The following DNAH11 variants were observed in gnomAD, a reference collection of about 807,000 sequenced individuals.
DNAH11 encodes the protein axonemal beta dynein heavy chain 11.
A neutral mutation model predicts 526.0 loss-of-function variants in DNAH11; 442 were observed. The observed-to-expected ratio is 0.84, with a 90% CI of 0.78 to 0.91. The LOEUF is 0.91. Ranked by LOEUF, DNAH11 falls within the 40% of genes least tolerant of loss-of-function variation. The pLI is 0.00. For missense variants in DNAH11, 6,989 were observed against 5,448.7 expected, an observed-to-expected ratio of 1.28 and a Z score of -8.90; for synonymous variants, 2,461 against 1,935.9, an observed-to-expected ratio of 1.27 and a Z score of -7.12.
At chr7:21,740,038 G>C (rs1311717125) in intron 48 of DNAH11, among the ~76,000 whole-genome samples, 1 of 151,994 alleles carries the variant, frequency 6.6e-6, no homozygotes, top group Non-Finnish European at 1.5e-5. Flanking sequence ...TTCCTTCTTT[G>C]TATTATACGT....
rs1415716481 is a variant in DNAH11 at position 21,683,838 on chromosome 7, G to A, written c.5515G>A (p.Asp1839Asn). The A allele has an allele frequency of 1.9e-6, 3 of 1,613,110 alleles. No homozygotes were observed. The highest frequency in any genetic ancestry group is 2.7e-5 in the African/African-American group (2 of 74,904). ...GTCTCAACTTCGTCACCGATGGGAG[G>A]ATACCCAGAAACACTGCTTTGTTAA... ...WLSQLRHRWEDTQKHCFVNIC... is the reference protein window; with the variant it reads ...WLSQLRHRWENTQKHCFVNIC... Residue 1839 changes from aspartate to asparagine, a missense_variant, in exon 32 of 82, where the codon GAT (aspartate) becomes AAT (asparagine). By Grantham distance (23) the Asp-to-Asn change is conservative. Coordinates refer to ENST00000409508, the MANE Select transcript of DNAH11 (RefSeq NM_001277115.2).
rs1784361403 is a variant in DNAH11 at position 21,892,537 on chromosome 7, A to G, written c.12620A>G (p.Tyr4207Cys). Residue 4207 changes from tyrosine to cysteine, a missense_variant, in exon 77 of 82, where the codon TAT becomes TGT. Coordinates refer to ENST00000409508, the MANE Select transcript of DNAH11 (RefSeq NM_001277115.2). Reference protein sequence around the residue: ...EMLPPESPALYGLHPNAEIEF... With the variant: ...EMLPPESPALCGLHPNAEIEF... The stretch of plus-strand genomic sequence containing the variant: ...CTTCCTCCAGAAAGCCCGGCACTGT[A>G]TGGCCTCCACCCAAATGCTGAAATA... 6.2e-7 allele frequency: 1 copy of G among 1,613,992 alleles called. No individual in the cohort carries two copies. The highest frequency in any genetic ancestry group is 1.3e-5 in the African/African-American group (1 of 75,030).
chr7:21,845,874 G>A (rs1215177057), intron 66 of DNAH11, among the ~76,000 whole-genome samples: 1 of 152,122 alleles, frequency 6.6e-6, no homozygotes, highest in Non-Finnish European at 1.5e-5. Context: ...TCATCAACAT[G>A]CAATATCTCT....
intron 65 of DNAH11, among the ~76,000 whole-genome samples, chr7:21,824,030 C>T (rs951366679): frequency 4.1e-5 from 6 of 145,394 alleles, no homozygotes; most frequent in East Asian, 1.9e-4. Flanking sequence ...ACACACCTTC[C>T]GTTTAAGGGT....
chr7:21,836,379 A>G (rs918529702), intron 65 of DNAH11, among the ~76,000 whole-genome samples: 26 of 152,144 alleles, frequency 1.7e-4, no homozygotes, highest in African/African-American at 6.0e-4. Flanking sequence ...CCAAAAGAGC[A>G]TGGCACTTGC....
chr7:21,831,685 G>C (rs188583428), intron 65 of DNAH11, among the ~76,000 whole-genome samples: 2 of 152,216 alleles, frequency 1.3e-5, no homozygotes, highest in African/African-American at 4.8e-5. Flanking sequence ...CTGGAATCCT[G>C]TATGCTTCAG....
intron 30 of DNAH11, among the ~76,000 whole-genome samples, chr7:21,663,233 C>T (rs1782302946): frequency 6.6e-6 from 1 of 152,070 alleles, no homozygotes; most frequent in Non-Finnish European, 1.5e-5. Context: ...CGTCAGTGGC[C>T]ACTTAGGTTG....
intron 42 of DNAH11, 39 bp downstream of exon 42, chr7:21,711,899 GTAACA>G (rs757156768): frequency 6.4e-7 from 1 of 1,562,570 alleles, no homozygotes; most frequent in South Asian, 1.2e-5. Flanking sequence ...TAAATTGTAT[GTAACA>G]TAACATTTAC....
chr7:21,724,365 C>A (rs912847431), intron 44 of DNAH11, among the ~76,000 whole-genome samples: 1 of 152,220 alleles, frequency 6.6e-6, no homozygotes, highest in African/African-American at 2.4e-5. Context: ...GGCAAGCTCT[C>A]CCTGCAAACA....
At chr7:21,729,698 A>G (rs77330412) in intron 45 of DNAH11, among the ~76,000 whole-genome samples, 2,123 of 66,766 alleles carry the variant, frequency 0.032, 50 homozygotes, top group African/African-American at 0.095. Flanking sequence ...GCCAGTGTCA[A>G]GTAACACTGA....
At chr7:21,790,897 T>G in intron 61 of DNAH11, among the ~76,000 whole-genome samples, 1 of 152,176 alleles carries the variant, frequency 6.6e-6, no homozygotes, top group South Asian at 2.1e-4. Context: ...ATCCGATTGG[T>G]GATATTAAGC....
chr7:21,787,503 A>C lies in DNAH11; in HGVS notation c.9844A>C (p.Asn3282His), dbSNP rs1270350823. ...NEHYLKDPEFNPNLIRTKSFA... is the reference protein window; with the variant it reads ...NEHYLKDPEFHPNLIRTKSFA... Reference sequence around the variant, plus strand: ...ACACTATTTGAAAGACCCAGAGTTTAATCCAAACCTGATTCGAACCAAATC... The same window carrying C: ...ACACTATTTGAAAGACCCAGAGTTTCATCCAAACCTGATTCGAACCAAATC... Residue 3282 changes from asparagine to histidine, a missense_variant, in exon 60 of 82, where the codon AAT becomes CAT. Transcript: ENST00000409508. 1 of 1,613,806 alleles carries C rather than the reference A, an allele frequency of 6.2e-7. No homozygotes were observed. The highest frequency in any genetic ancestry group is 1.1e-5 in the South Asian group (1 of 91,038).
Position 21,817,496 on chromosome 7 carries a change from C to G in DNAH11, c.10569-721C>G, listed in dbSNP as rs1789848055. 2.4e-5 allele frequency among the ~76,000 whole-genome samples: 3 copies of G among 124,142 alleles called. No homozygotes were observed. The Admixed American group carries it at 3.1e-4, about 13-fold the overall frequency. 81.4% of individuals were successfully genotyped at this position (124,142 alleles called of 152,430 possible). The stretch of plus-strand genomic sequence containing the variant: ...AGGAATTCAAGACCACCCTGAGCGA[C>G]ATAGTGAGACCCCCATCTCTACCAA... On this transcript the variant is annotated intron_variant, in intron 64 of 81. Transcript: ENST00000409508.
In DNAH11 at chr7:21,790,324, A is replaced by C. The variant is rs372349158; in HGVS notation, c.10026+982A>C. On this transcript the variant is annotated intron_variant, in intron 61 of 81. Coordinates refer to ENST00000409508, the MANE Select transcript of DNAH11 (RefSeq NM_001277115.2). The stretch of plus-strand genomic sequence containing the variant: ...ATTTAGCCGGGCGTCATGGCGGGTG[A>C]CTGTAGTCCCAGCTACTCAGGAGGC... Among the ~76,000 whole-genome samples the C allele has an allele frequency of 2.2e-3, 341 of 151,964 alleles. 1 individual carries two copies. Among genetic ancestry groups the C allele is most frequent in the African/African-American group, 7.5e-3 (313 of 41,498 alleles).
At chr7:21,781,441 T>A (rs1583688549) in intron 57 of DNAH11, among the ~76,000 whole-genome samples, 1 of 152,226 alleles carries the variant, frequency 6.6e-6, no homozygotes, top group Non-Finnish European at 1.5e-5. Context: ...GAAAATTAGT[T>A]CTTCTTCCAC....
chr7:21,546,616 A>G (rs1057240860), intron 2 of DNAH11, among the ~76,000 whole-genome samples: 3 of 152,234 alleles, frequency 2.0e-5, no homozygotes, highest in African/African-American at 4.8e-5. Context: ...CCTGCTCCTC[A>G]ACATTATGAT....
At chr7:21,661,232 T>C (rs1782231705) in intron 30 of DNAH11, among the ~76,000 whole-genome samples, 2 of 152,124 alleles carry the variant, frequency 1.3e-5, no homozygotes, top group South Asian at 2.1e-4. Context: ...CAGATCTTAA[T>C]TAGATTTACC....
In DNAH11 at chr7:21,892,569, C is replaced by G; in HGVS notation, c.12652C>G (p.Leu4218Val). 1 of 1,614,002 alleles carries G rather than the reference C, an allele frequency of 6.2e-7. No homozygotes were observed. The highest frequency in any genetic ancestry group is 8.5e-7 in the Non-Finnish European group (1 of 1,179,894). Residue 4218 changes from leucine to valine, a missense_variant, in exon 77 of 82, where the codon CTG becomes GTG. Physicochemically the swap from Leu to Val is conservative, Grantham distance 32. Transcript: ENST00000409508. ...GLHPNAEIEF[L>V]TVTSNTLFRT... ...CCACCCAAATGCTGAAATAGAATTC[C>G]TGACAGTGACATCCAACACTCTCTT...
intron 48 of DNAH11, among the ~76,000 whole-genome samples, chr7:21,741,138 T>C (rs1189895670): frequency 6.6e-6 from 1 of 152,240 alleles, no homozygotes; most frequent in Non-Finnish European, 1.5e-5. Context: ...ACTGATATTT[T>C]CTCTGTTTCT....
Sources: gnomAD v4.1 joint callset for allele counts (sites outside exome capture counted in the v4.1 genomes callset) on GRCh38, gnomAD v4.1.1 for gene constraint, MANE v1.5 for transcripts, NCBI Gene and HGNC (gene_info 2026-07-23, HGNC 2026-07-21) for gene names.